CCT8: variants seen among roughly 807,000 people sequenced by gnomAD.
CCT8 encodes T-complex protein 1 subunit theta.
In CCT8, 10 loss-of-function variants were observed where a neutral mutation model predicts 65.7. That is an observed-to-expected ratio of 0.15 (90% CI 0.09 to 0.26). The LOEUF is 0.26. Among genes scored for constraint, CCT8 ranks in the 10% least tolerant of loss-of-function variants. The pLI is 1.00. For missense variants in CCT8, 568 were observed against 669.1 expected (o/e 0.85, Z 1.67); for synonymous variants, 199 against 221.8 (o/e 0.90, Z 0.92).
chr21:29,062,607 C>T, intron 8 of CCT8, 51 bp from the exon 9 acceptor site: 1 of 1,452,342 alleles, frequency 6.9e-7, no homozygotes, highest in Non-Finnish European at 9.5e-7. Context: ...TTTCAGATAG[C>T]ATATAAAGTT....
In CCT8 at chr21:29,062,378, C is replaced by T. The variant is rs1234044082; in HGVS notation, c.1046G>A (p.Ser349Asn). 2 of 1,613,930 alleles carry T rather than the reference C, an allele frequency of 1.2e-6. No homozygotes were observed. Among genetic ancestry groups the T allele is most frequent in the Non-Finnish European group, 1.7e-6 (2 of 1,179,922 alleles). Residue 349 changes from serine (S) to asparagine (N), a missense_variant, in exon 10 of 15, where the codon AGT becomes AAT. Transcript: ENST00000286788. ...ATCTCCAACTTCTGAGAGGTAAACA[C>T]TGTCACAGTGTCCCATTTCTTCAAG... ...PVLEEMGHCD[S>N]VYLSEVGDTQ...
rs753518517 is a variant in CCT8 at position 29,062,410 on chromosome 21, A to T, written c.1014T>A (p.Pro338=). The T allele has an allele frequency of 6.2e-6, 10 of 1,613,038 alleles. No individual in the cohort carries two copies. The African/African-American group carries it at 1.3e-4, about 22-fold the overall frequency. The part of the protein sequence containing the change: ...VGATALPRLT[P]PVLEEMGHCD... ...AGTGTCCCATTTCTTCAAGGACAGG[A>T]GGTGTCTGTAAGAAAGTGACTGTTG... Residue 338 remains proline, a synonymous_variant, in exon 10 of 15, where the codon CCT becomes CCA. Transcript: ENST00000286788.
chr21:29,069,036 A>G (rs74934888), intron 3 of CCT8, among the ~76,000 whole-genome samples: 25 of 152,202 alleles, frequency 1.6e-4, no homozygotes, highest in African/African-American at 6.0e-4. Flanking sequence ...AATGCCATCA[A>G]CTGATTGTTT....
chr21:29,070,727 AT>A (rs1340881555), intron 1 of CCT8, among the ~76,000 whole-genome samples: 1 of 152,082 alleles, frequency 6.6e-6, no homozygotes, highest in Admixed American at 6.6e-5. Context: ...AAGACTTAAA[AT>A]TTTTTTTATT....
At chr21:29,069,631 C>G in intron 2 of CCT8, 129 bp from the exon 3 acceptor site, 1 of 539,996 alleles carries the variant, frequency 1.9e-6, no homozygotes, top group East Asian at 3.3e-5. Context: ...CAAGAAAACA[C>G]ATACTATCTA....
intron 8 of CCT8, chr21:29,062,920 T>C (rs1437705243): frequency 3.0e-6 from 1 of 338,508 alleles, no homozygotes; most frequent in African/African-American, 2.1e-5. Flanking sequence ...GTGCAATCAA[T>C]GTTCTGTGAA....
intron 3 of CCT8, among the ~76,000 whole-genome samples, chr21:29,068,453 T>C (rs2085647175): frequency 6.6e-6 from 1 of 152,000 alleles, no homozygotes; most frequent in South Asian, 2.1e-4. Flanking sequence ...TTTATATATA[T>C]AATATGTATT....
chr21:29,068,335 ATAACT>A (rs1568914894), intron 3 of CCT8, among the ~76,000 whole-genome samples: 1 of 152,220 alleles, frequency 6.6e-6, no homozygotes, highest in Non-Finnish European at 1.5e-5. Context: ...CTGTACTTTA[ATAACT>A]CCTGAGATCA....
Position 29,061,305 on chromosome 21 carries a change from T to A in CCT8, c.1397A>T (p.Lys466Ile), listed in dbSNP as rs755910861. ...TCCTTCTTGATGTACTGCATAAAGT[T>A]TAGAGATTACTTCATTGGCCTTAAC... ...SGVKANEVIS[K>I]LYAVHQEGNK... The change falls in exon 13 of 15, where the codon AAA (lysine) becomes ATA (isoleucine). Residue 466 changes from lysine to isoleucine, a missense_variant. Coordinates refer to ENST00000286788, the MANE Select transcript of CCT8 (RefSeq NM_006585.4). 8.7e-6 allele frequency: 14 copies of A among 1,614,026 alleles called. No homozygotes were observed. The East Asian group carries it at 2.7e-4, about 31-fold the overall frequency.
chr21:29,068,818 T>G (rs893762983), intron 3 of CCT8, among the ~76,000 whole-genome samples: 1 of 152,228 alleles, frequency 6.6e-6, no homozygotes, highest in Non-Finnish European at 1.5e-5. Context: ...ATCGTTTCAT[T>G]TAAAACAAAA....
chr21:29,059,580 A>G lies in CCT8; in HGVS notation c.1569+961T>C, dbSNP rs545103387. 21 of 152,334 alleles carry G rather than the reference A, an allele frequency of 1.4e-4. No homozygotes were observed. The East Asian group carries it at 3.5e-3, about 25-fold the overall frequency. The allele number at this position is 152,334 out of a possible 1,614,324, so 9.4% of individuals were successfully genotyped here. On this transcript the variant is annotated intron_variant, in intron 14 of 14. Coordinates refer to ENST00000286788, the MANE Select transcript of CCT8 (RefSeq NM_006585.4). ...CCCTTTTATTCTTAGCCACATTCTAATTTCTAGAATAAGTATTTTCTTAGG... is the reference window on the plus strand; with the variant it reads ...CCCTTTTATTCTTAGCCACATTCTAGTTTCTAGAATAAGTATTTTCTTAGG...
rs759860773 is a variant in CCT8, at chr21:29,069,416, A to C, written c.231+7T>G. On this transcript the variant is annotated splice_region_variant and intron_variant, in intron 3 of 14. Transcript: ENST00000286788. ...ATATTTCTTGACTTTTTAAAGAAACAACTTACTTCTAGTTCTCTTAAAATA... is the reference window on the plus strand; with the variant it reads ...ATATTTCTTGACTTTTTAAAGAAACCACTTACTTCTAGTTCTCTTAAAATA... 3 of 1,524,368 alleles carry C rather than the reference A, an allele frequency of 2.0e-6. No individual in the cohort carries two copies. In the South Asian group the frequency reaches 3.7e-5, roughly 19 times the overall value. 94.4% of individuals were successfully genotyped at this position (1,524,368 alleles called of 1,614,324 possible).
intron 8 of CCT8, chr21:29,062,974 G>A (rs2085580870): frequency 3.2e-6 from 1 of 313,830 alleles, no homozygotes; most frequent in Non-Finnish European, 5.9e-6. Flanking sequence ...ACTAGGGATG[G>A]TGGTAGGTAG....
At position 29,062,572 on chromosome 21, in the gene CCT8, A is replaced by G; in HGVS notation, c.942-16T>C. 1.2e-6 allele frequency: 2 copies of G among 1,605,588 alleles called. No individual in the cohort carries two copies. Among genetic ancestry groups the G allele is most frequent in the Non-Finnish European group, 1.7e-6 (2 of 1,174,032 alleles). On this transcript the variant is annotated splice_polypyrimidine_tract_variant and intron_variant, in intron 8 of 14. Transcript: ENST00000286788. ...TGAGTTTAGCCTTTAAAAAACACAA[A>G]GACCTTAATAAAAGTTTTAATCAAT... is the stretch of plus-strand genomic sequence containing the variant.
In CCT8 at chr21:29,066,727, A is replaced by G. The variant is rs1411808332; in HGVS notation, c.613T>C (p.Cys205Arg). The change falls in exon 6 of 15, where the codon TGT (cysteine) becomes CGT (arginine). Residue 205 changes from cysteine to arginine, a missense_variant. Coordinates refer to ENST00000286788, the MANE Select transcript of CCT8 (RefSeq NM_006585.4). ...CATTTTCTACTTACCAGAATTTTAC[A>G]AACTCTGATGTTATCAACATTGAAA... ...GHFNVDNIRV[C>R]KILGSGISSS... 1 of 1,603,530 alleles carries G rather than the reference A, an allele frequency of 6.2e-7. No homozygotes were observed. The highest frequency in any genetic ancestry group is 2.2e-5 in the East Asian group (1 of 44,716).
chr21:29,065,113 A>G lies in CCT8; in HGVS notation c.625-8T>C, dbSNP rs1333952803. The G allele has an allele frequency of 1.9e-6, 3 of 1,613,246 alleles. No individual in the cohort carries two copies. Among genetic ancestry groups the G allele is most frequent in the Middle Eastern group, 1.7e-4 (1 of 6,052 alleles). ...GGAACTGATACCAGAGCCCTAAGGA[A>G]TTGAATACCAAACTCATCAGCAATC... On this transcript the variant is annotated splice_region_variant and splice_polypyrimidine_tract_variant and intron_variant, in intron 6 of 14. Transcript: ENST00000286788.
In CCT8 at chr21:29,069,477, G is replaced by A; in HGVS notation, c.177C>T (p.His59=). ...CGTTTGTCACAAACAACTTCTCCAAGTGGTTGATAACCATTTTGTTCATTC... is the reference window on the plus strand; with the variant it reads ...CGTTTGTCACAAACAACTTCTCCAAATGGTTGATAACCATTTTGTTCATTC... ...PNGMNKMVIN[H]LEKLFVTNDA... Residue 59 remains histidine (H), a synonymous_variant, in exon 3 of 15, where the codon CAC becomes CAT. Coordinates refer to ENST00000286788, the MANE Select transcript of CCT8 (RefSeq NM_006585.4). 6.3e-7 allele frequency: 1 copy of A among 1,576,826 alleles called. No individual in the cohort carries two copies.
intron 1 of CCT8, chr21:29,071,855 G>T (rs939187894): frequency 5.9e-6 from 4 of 683,644 alleles, no homozygotes; most frequent in Middle Eastern, 2.7e-4. Flanking sequence ...ACCCTTCAAT[G>T]GTTTCCCAAC....
At chr21:29,066,549 T>G (rs1266725229) in intron 6 of CCT8, among the ~76,000 whole-genome samples, 167 bp downstream of exon 6, 6 of 151,304 alleles carry the variant, frequency 4.0e-5, no homozygotes, top group Non-Finnish European at 8.8e-5. Context: ...CAAAAATAAA[T>G]AAGTACATAA....
Sources: gnomAD v4.1 joint callset for allele counts (sites outside exome capture counted in the v4.1 genomes callset) on GRCh38, gnomAD v4.1.1 for gene constraint, MANE v1.5 for transcripts, NCBI Gene and HGNC (gene_info 2026-07-23, HGNC 2026-07-21) for gene names.